PLXNA2: variants seen among roughly 807,000 people sequenced by gnomAD.
PLXNA2 encodes plexin-A2.
A neutral mutation model predicts 193.5 loss-of-function variants in PLXNA2; 91 were observed. The ratio of observed to expected loss-of-function variants is 0.47; its 90% CI spans 0.40 to 0.56. The LOEUF is 0.56. PLXNA2 is among the 20% of genes least tolerant of loss of function. The pLI is 0.00. For synonymous variants in PLXNA2, 997 were observed against 1,027.3 expected (o/e 0.97, Z 0.56); for missense variants, 1,995 against 2,503.2 (o/e 0.80, Z 4.33).
Position 208,084,415 on chromosome 1 carries a change from AG to A in PLXNA2, c.2262del (p.Phe755SerfsTer43). ...TGACACTGAACGCTGGAGCTGTTGAAGCGCAGAGCGGGGACCCGGTGGATGG... is the reference window on the plus strand; with the variant it reads ...TGACACTGAACGCTGGAGCTGTTGAACGCAGAGCGGGGACCCGGTGGATGG... ...QGAIHRVPAL[R>X]FNSSSVQCQN... On this transcript the variant is annotated frameshift_variant, in exon 10 of 32. Coordinates refer to ENST00000367033, the MANE Select transcript of PLXNA2 (RefSeq NM_025179.4). LOFTEE classifies it high-confidence loss of function. 2 of 1,614,270 alleles carry A rather than the reference AG, an allele frequency of 1.2e-6. No individual in the cohort carries two copies. Among genetic ancestry groups the A allele is most frequent in the South Asian group, 2.2e-5 (2 of 91,088 alleles).
chr1:208,058,020 T>C (rs945462541), intron 13 of PLXNA2, among the ~76,000 whole-genome samples: 21 of 152,200 alleles, frequency 1.4e-4, no homozygotes, highest in African/African-American at 5.1e-4. Context: ...AGCTAAGGCT[T>C]GAGCACCAGT....
chr1:208,090,640 C>T (rs567178915), intron 9 of PLXNA2, among the ~76,000 whole-genome samples: 15 of 152,290 alleles, frequency 9.8e-5, no homozygotes, highest in African/African-American at 2.4e-4. Flanking sequence ...AGGTCGCTTT[C>T]AGGCTTGGCT....
chr1:208,227,966 A>G (rs1671564448), intron 1 of PLXNA2, among the ~76,000 whole-genome samples: 1 of 152,220 alleles, frequency 6.6e-6, no homozygotes, highest in South Asian at 2.1e-4. Flanking sequence ...ACACTGCTCT[A>G]ATTTATACTA....
At chr1:208,062,994 T>C (rs1179127872) in intron 12 of PLXNA2, among the ~76,000 whole-genome samples, 3 of 152,134 alleles carry the variant, frequency 2.0e-5, no homozygotes, top group African/African-American at 4.8e-5. Flanking sequence ...AGGAGACAAT[T>C]TGCTTTTAGT....
chr1:208,217,284 G>A lies in PLXNA2; in HGVS notation c.639C>T (p.Leu213=), dbSNP rs1255719845. 17 of 1,614,102 alleles carry A rather than the reference G, an allele frequency of 1.1e-5. No homozygotes were observed. The highest frequency in any genetic ancestry group is 2.2e-5 in the East Asian group (1 of 44,882). Residue 213 remains leucine (L), a synonymous_variant, in exon 2 of 32, where the codon CTC becomes CTT. Transcript: ENST00000367033. This position sits in a 1 kb window ranked among gnomAD's most constrained non-coding sequence, Gnocchi z 4.7. Reference sequence around the variant, plus strand: ...CAAAATCGCTGTGTAGCTCATAGTCGAGCATGGCTGAGGACTCAGGGTCTC... The same window carrying A: ...CAAAATCGCTGTGTAGCTCATAGTCAAGCATGGCTGAGGACTCAGGGTCTC... ...LPRDPESSAM[L]DYELHSDFVS... is the part of the protein sequence containing the mutation.
chr1:208,193,301 C>G (rs928700190), intron 3 of PLXNA2, among the ~76,000 whole-genome samples: 40 of 152,198 alleles, frequency 2.6e-4, no homozygotes, highest in African/African-American at 9.2e-4. Flanking sequence ...CCTCATAGCC[C>G]TAGGGCCCCT....
chr1:208,116,373 G>T (rs1667639836), intron 4 of PLXNA2, among the ~76,000 whole-genome samples: 1 of 152,114 alleles, frequency 6.6e-6, no homozygotes, highest in South Asian at 2.1e-4. Context: ...TCAGTTTCTT[G>T]TACGAAATAG....
intron 3 of PLXNA2, among the ~76,000 whole-genome samples, chr1:208,174,397 A>G (rs1436354991): frequency 8.9e-6 from 1 of 112,086 alleles, no homozygotes; most frequent in Non-Finnish European, 1.7e-5. Flanking sequence ...CAGAGTCATA[A>G]GGAGACGCCG....
intron 29 of PLXNA2, chr1:208,029,311 TCTGGGAGAC>T: frequency 7.9e-7 from 1 of 1,263,346 alleles, no homozygotes; most frequent in South Asian, 1.7e-5. Flanking sequence ...TCTGTTCCCT[TCTGGGAGAC>T]TTTTCTAAAG....
At chr1:208,131,255 G>A (rs1668141331) in intron 4 of PLXNA2, among the ~76,000 whole-genome samples, 2 of 152,122 alleles carry the variant, frequency 1.3e-5, no homozygotes, top group African/African-American at 4.8e-5. Flanking sequence ...TGCCGCTCTC[G>A]ACACCTCTGA....
chr1:208,147,546 G>A (rs540739805), intron 3 of PLXNA2, among the ~76,000 whole-genome samples: 1 of 152,224 alleles, frequency 6.6e-6, no homozygotes, highest in Non-Finnish European at 1.5e-5. Context: ...AGCTACCACA[G>A]TGCTACGTGC....
chr1:208,042,069 C>T (rs1664887833), intron 22 of PLXNA2, 29 bp downstream of exon 22: 4 of 1,606,538 alleles, frequency 2.5e-6, no homozygotes, highest in Admixed American at 3.4e-5. Context: ...ACTCCTGCCA[C>T]CCTCTCCACC....
Position 208,084,455 on chromosome 1 carries a change from G to A in PLXNA2, c.2223C>T (p.Leu741=), listed in dbSNP as rs932277283. ...QSGQRGYECV[L]NIQGAIHRVP... is the part of the protein sequence containing the mutation. ...CCCGGTGGATGGCTCCTTGTATGTT[G>A]AGGACACACTCATAGCCTCGCTGGC... Residue 741 remains leucine, a synonymous_variant, in exon 10 of 32, where the codon CTC becomes CTT. Transcript: ENST00000367033. 12 of 1,614,276 alleles carry A rather than the reference G, an allele frequency of 7.4e-6. No homozygotes were observed. The highest frequency in any genetic ancestry group is 1.6e-4 in the Middle Eastern group (1 of 6,062).
intron 2 of PLXNA2, among the ~76,000 whole-genome samples, chr1:208,211,427 C>T (rs1348352879): frequency 1.3e-5 from 2 of 152,160 alleles, no homozygotes; most frequent in Non-Finnish European, 2.9e-5. Context: ...GGCACGGTGG[C>T]TCACGCCTGT....
chr1:208,239,669 C>T (rs555483289), intron 1 of PLXNA2, among the ~76,000 whole-genome samples: 2 of 152,342 alleles, frequency 1.3e-5, no homozygotes, highest in Non-Finnish European at 2.9e-5. Context: ...ATAGAGCTGT[C>T]TATAACCTGA....
chr1:208,124,781 C>T (rs1667921393), intron 4 of PLXNA2, among the ~76,000 whole-genome samples: 1 of 151,728 alleles, frequency 6.6e-6, no homozygotes. Context: ...CATGTGAGGC[C>T]TTCTTTCTTT....
At chr1:208,066,926 A>G (rs1458042365) in intron 12 of PLXNA2, among the ~76,000 whole-genome samples, 2 of 152,262 alleles carry the variant, frequency 1.3e-5, no homozygotes, top group African/African-American at 4.8e-5. Context: ...AAATAGAAAA[A>G]ATATTATAGA....
chr1:208,029,520 C>T (rs1285283297), intron 29 of PLXNA2: 16 of 997,052 alleles, frequency 1.6e-5, no homozygotes, highest in South Asian at 4.4e-5. Flanking sequence ...CCGCCCAGCC[C>T]GGCTGCCCAA....
At position 208,043,057 on chromosome 1, in the gene PLXNA2, T is replaced by C. The variant is rs1224208379; in HGVS notation, c.4017+4A>G. On this transcript the variant is annotated splice_donor_region_variant and intron_variant, in intron 21 of 31. Coordinates refer to ENST00000367033, the MANE Select transcript of PLXNA2 (RefSeq NM_025179.4). ...GGTGGCTGGGCCCAGGAGGCAGGCATTACCTCCAGCTCCCGCAGGACGGGG... is the reference window on the plus strand; with the variant it reads ...GGTGGCTGGGCCCAGGAGGCAGGCACTACCTCCAGCTCCCGCAGGACGGGG... The C allele has an allele frequency of 6.2e-7, 1 of 1,613,022 alleles. No individual in the cohort carries two copies. The highest frequency in any genetic ancestry group is 8.5e-7 in the Non-Finnish European group (1 of 1,179,900).
Sources: gnomAD v4.1 joint callset for allele counts (sites outside exome capture counted in the v4.1 genomes callset) on GRCh38, gnomAD v4.1.1 for gene constraint, Gnocchi (gnomAD v3.1) non-coding constraint, MANE v1.5 for transcripts, NCBI Gene and HGNC (gene_info 2026-07-23, HGNC 2026-07-21) for gene names.